The following ANTXR2 variants were observed in gnomAD, a reference collection of about 807,000 sequenced individuals.
ANTXR2 encodes the protein anthrax toxin receptor 2.
Under a neutral mutation model 73.7 loss-of-function variants are expected in ANTXR2, and 44 were observed. That is an observed-to-expected ratio of 0.60 (90% CI 0.47 to 0.77). ANTXR2 has a LOEUF of 0.77. Ranked by LOEUF, ANTXR2 falls within the 30% of genes least tolerant of loss-of-function variation. The pLI is 0.00. For synonymous variants in ANTXR2, 217 were observed against 205.9 expected, an observed-to-expected ratio of 1.05 and a Z score of -0.46; for missense variants, 604 against 592.5, an observed-to-expected ratio of 1.02 and a Z score of -0.20.
chr4:80,061,162 A>G (rs1055728263), intron 3 of ANTXR2, among the ~76,000 whole-genome samples: 1 of 152,122 alleles, frequency 6.6e-6, no homozygotes, highest in Non-Finnish European at 1.5e-5. Context: ...GCCTTAATAA[A>G]TCTTAGGCCT....
At chr4:79,934,728 C>T (rs1299599464) in intron 16 of ANTXR2, among the ~76,000 whole-genome samples, 1 of 151,800 alleles carries the variant, frequency 6.6e-6, no homozygotes. Context: ...TGCATTGCTA[C>T]TATTTCTGTC....
At chr4:80,004,384 A>G (rs1731203348) in intron 12 of ANTXR2, among the ~76,000 whole-genome samples, 1 of 151,892 alleles carries the variant, frequency 6.6e-6, no homozygotes, top group African/African-American at 2.4e-5. Flanking sequence ...TCATACACTT[A>G]GTGTCTTAAA....
At chr4:79,992,535 G>T (rs1730523538) in intron 12 of ANTXR2, among the ~76,000 whole-genome samples, 2 of 151,168 alleles carry the variant, frequency 1.3e-5, no homozygotes, top group Non-Finnish European at 3.0e-5. Context: ...GTAGATTTTG[G>T]TAATCATGAA....
intron 12 of ANTXR2, among the ~76,000 whole-genome samples, chr4:80,007,720 G>A (rs760241363): frequency 4.6e-5 from 7 of 152,136 alleles, no homozygotes; most frequent in Admixed American, 3.3e-4. Context: ...ATAGAGAAAG[G>A]GGGGTATGAG....
At chr4:80,067,269 A>G (rs1347070154) in intron 3 of ANTXR2, among the ~76,000 whole-genome samples, 1 of 152,138 alleles carries the variant, frequency 6.6e-6, no homozygotes, top group Non-Finnish European at 1.5e-5. Context: ...CTCCCCTATT[A>G]GATTCAACCA....
rs546965087 is a variant in ANTXR2 at position 80,030,223 on chromosome 4, T to C, written c.866+1400A>G. Among the ~76,000 whole-genome samples the C allele has an allele frequency of 2.0e-5, 3 of 152,136 alleles. No homozygotes were observed. The South Asian group carries it at 6.2e-4, about 32-fold the overall frequency. ...CTAAGAGAGAGAAAGAAATCAATAA[T>C]GACTCAAAAGATTTTTACCTGAACA... On this transcript the variant is annotated intron_variant, in intron 10 of 16. Coordinates refer to ENST00000403729, the MANE Select transcript of ANTXR2 (RefSeq NM_058172.6).
chr4:79,910,444 G>A (rs1158085340), intron 16 of ANTXR2, among the ~76,000 whole-genome samples: 11 of 143,416 alleles, frequency 7.7e-5, no homozygotes, highest in Non-Finnish European at 1.3e-4. Flanking sequence ...GGGAGGCGGA[G>A]GTTGCAGTGA....
rs913142402 is a variant in ANTXR2, at chr4:79,907,405, C to A, written c.*24G>T. 1 of 1,608,990 alleles carries A rather than the reference C, an allele frequency of 6.2e-7. No homozygotes were observed. The highest frequency in any genetic ancestry group is 1.7e-5 in the Admixed American group (1 of 59,628). On this transcript the variant is annotated 3_prime_UTR_variant, in exon 17 of 17. Coordinates refer to ENST00000403729, the MANE Select transcript of ANTXR2 (RefSeq NM_058172.6). ...ATGTGAAAATGTGCCATCTTCGTAC[C>A]TTCTTGGTCTTCCTGCTTCCCTTTT...
intron 12 of ANTXR2, among the ~76,000 whole-genome samples, chr4:79,993,760 G>GCGCACACACACA (rs71662888): frequency 0.34 from 48,345 of 140,582 alleles, 9,449 homozygotes; most frequent in Non-Finnish European, 0.45. Flanking sequence ...ACACACACAC[G>GCGCACACACACA]CACACACACA....
intron 12 of ANTXR2, among the ~76,000 whole-genome samples, chr4:79,997,987 T>A (rs992448471): frequency 1.3e-5 from 2 of 151,966 alleles, no homozygotes; most frequent in African/African-American, 4.8e-5. Flanking sequence ...TTAAATTACT[T>A]ATATTTTATT....
At chr4:80,068,693 AC>A (rs1734633864) in intron 3 of ANTXR2, among the ~76,000 whole-genome samples, 1 of 152,102 alleles carries the variant, frequency 6.6e-6, no homozygotes, top group Non-Finnish European at 1.5e-5. Flanking sequence ...AATTGCTTGA[AC>A]CTGGGAGGTG....
intron 12 of ANTXR2, among the ~76,000 whole-genome samples, chr4:79,992,691 T>A (rs1030210340): frequency 6.6e-6 from 1 of 152,208 alleles, no homozygotes; most frequent in East Asian, 1.9e-4. Flanking sequence ...GCATGTCATA[T>A]GACTATGAAC....
intron 16 of ANTXR2, among the ~76,000 whole-genome samples, chr4:79,914,378 A>G (rs1727265123): frequency 6.6e-6 from 1 of 151,934 alleles, no homozygotes. Context: ...TTATTTCCCA[A>G]TTTTTGTTCT....
chr4:80,019,913 G>A (rs1176498124), intron 10 of ANTXR2, among the ~76,000 whole-genome samples: 3 of 151,936 alleles, frequency 2.0e-5, no homozygotes, highest in African/African-American at 7.3e-5. Flanking sequence ...CATTAATTTA[G>A]ATTGATTATT....
intron 16 of ANTXR2, among the ~76,000 whole-genome samples, chr4:79,911,475 C>A (rs974677629): frequency 6.6e-6 from 1 of 151,476 alleles, no homozygotes; most frequent in Non-Finnish European, 1.5e-5. Flanking sequence ...ACATATAGAC[C>A]TATATTTATT....
intron 12 of ANTXR2, among the ~76,000 whole-genome samples, chr4:80,000,014 TA>T (rs932931794): frequency 6.6e-6 from 1 of 151,862 alleles, no homozygotes; most frequent in South Asian, 2.1e-4. Flanking sequence ...GTGGGCAGGG[TA>T]AAAAAATCAA....
intron 7 of ANTXR2, among the ~76,000 whole-genome samples, chr4:80,044,724 C>G (rs1167019120): frequency 6.6e-6 from 1 of 151,646 alleles, no homozygotes; most frequent in African/African-American, 2.4e-5. Flanking sequence ...TAAGTGGCAA[C>G]AGGAAGGATA....
At chr4:79,988,446 CTT>C (rs1363822306) in intron 12 of ANTXR2, among the ~76,000 whole-genome samples, 1 of 151,490 alleles carries the variant, frequency 6.6e-6, no homozygotes, top group Non-Finnish European at 1.5e-5. Flanking sequence ...AACAAGAAGA[CTT>C]AACTCTCCTA....
At chr4:80,058,911 A>G (rs535864116) in intron 3 of ANTXR2, among the ~76,000 whole-genome samples, 17 of 152,206 alleles carry the variant, frequency 1.1e-4, no homozygotes, top group Non-Finnish European at 2.2e-4. Flanking sequence ...CATGACACGC[A>G]TCGTCCCCTA....
Sources: allele counts gnomAD v4.1 joint callset (sites outside exome capture counted in the v4.1 genomes callset), GRCh38; gene constraint gnomAD v4.1.1; transcripts MANE v1.5; gene names NCBI Gene and HGNC (gene_info 2026-07-23, HGNC 2026-07-21).